Variants in GLDC observed in about 807,000 individuals in gnomAD.
The protein encoded by GLDC is glycine dehydrogenase (decarboxylating), mitochondrial.
GLDC carries 104 observed loss-of-function variants against 121.3 expected under a neutral mutation model. That is an observed-to-expected ratio of 0.86 (90% CI 0.73 to 1.01). The LOEUF is 1.01. Among genes scored for constraint, GLDC ranks in the 50% least tolerant of loss-of-function variants. The pLI is 0.00. For missense variants in GLDC, 1,429 were observed against 1,306.6 expected (o/e 1.09, Z -1.44); for synonymous variants, 546 against 480.6 (o/e 1.14, Z -1.78).
At chr9:6,545,329 C>G (rs1006547391) in intron 21 of GLDC, among the ~76,000 whole-genome samples, 1 of 152,174 alleles carries the variant, frequency 6.6e-6, no homozygotes, top group Non-Finnish European at 1.5e-5. Context: ...TCCTACTGTA[C>G]TGAATACTGT....
chr9:6,593,145 A>T, intron 9 of GLDC, 155 bp from the exon 10 acceptor site: 1 of 706,400 alleles, frequency 1.4e-6, no homozygotes, highest in Non-Finnish European at 2.5e-6. Context: ...AAACATGTTT[A>T]TTATCATGCT....
chr9:6,556,618 C>A (rs1416145353), intron 17 of GLDC, among the ~76,000 whole-genome samples: 1 of 151,978 alleles, frequency 6.6e-6, no homozygotes, highest in Non-Finnish European at 1.5e-5. Context: ...CATGGTGAAA[C>A]CCCGTCTCTA....
intron 2 of GLDC, among the ~76,000 whole-genome samples, chr9:6,632,550 G>A (rs557951097): frequency 1.1e-4 from 16 of 152,310 alleles, no homozygotes; most frequent in East Asian, 7.7e-4. Flanking sequence ...TCCGTACATC[G>A]TATAACTGAG....
At chr9:6,611,410 G>A (rs1352471651) in intron 3 of GLDC, among the ~76,000 whole-genome samples, 1 of 152,142 alleles carries the variant, frequency 6.6e-6, no homozygotes, top group Non-Finnish European at 1.5e-5. Context: ...CAAACAATTA[G>A]CCAGGCGTGG....
intron 2 of GLDC, among the ~76,000 whole-genome samples, chr9:6,629,957 A>ATTTTTTTTT (rs60203144): frequency 2.4e-5 from 2 of 83,092 alleles, no homozygotes; most frequent in African/African-American, 6.9e-5. Context: ...ATATATATAT[A>ATTTTTTTTT]TTTTTTTTTT....
At chr9:6,582,828 CAA>C (rs753266751) in intron 15 of GLDC, among the ~76,000 whole-genome samples, 31 of 92,384 alleles carry the variant, frequency 3.4e-4, no homozygotes, top group Admixed American at 4.9e-4. Flanking sequence ...GACCTCGTCT[CAA>C]AAAAAAAAAA....
intron 16 of GLDC, 68 bp downstream of exon 16, chr9:6,565,286 G>T: frequency 9.1e-7 from 1 of 1,095,410 alleles, no homozygotes; most frequent in Non-Finnish European, 1.4e-6. Context: ...GTGTCCCACA[G>T]AAGGGACCCT....
At chr9:6,639,670 T>TAAAAAA (rs1819589292) in intron 2 of GLDC, 2 of 112,570 alleles carry the variant, frequency 1.8e-5, no homozygotes, top group African/African-American at 6.6e-5. Flanking sequence ...AAAAAAAAAG[T>TAAAAAA]ATATATATAT....
At chr9:6,639,106 G>C (rs1819572411) in intron 2 of GLDC, 1 of 714,560 alleles carries the variant, frequency 1.4e-6, no homozygotes. Context: ...TCTGCCTATT[G>C]AGAATTAATG....
At chr9:6,540,382 C>T (rs1189229351) in intron 21 of GLDC, 2 of 502,988 alleles carry the variant, frequency 4.0e-6, no homozygotes, top group South Asian at 4.1e-5. Flanking sequence ...GCTCACTACA[C>T]ACCTGTGAAC....
At chr9:6,540,467 T>C (rs1817232457) in intron 21 of GLDC, 1 of 359,596 alleles carries the variant, frequency 2.8e-6, no homozygotes, top group Non-Finnish European at 5.3e-6. Flanking sequence ...AGATTATTTC[T>C]ATTCTGCGGA....
Position 6,588,601 on chromosome 9 carries a change from A to C in GLDC, c.1665+17T>G. On this transcript the variant is annotated intron_variant, in intron 13 of 24. Transcript: ENST00000321612. Reference sequence around the variant, plus strand: ...TGGGGTAGCTTGGAAATGAGAAAAAAGGCCACAAATAACTACCAGTGGAAT... The same window carrying C: ...TGGGGTAGCTTGGAAATGAGAAAAACGGCCACAAATAACTACCAGTGGAAT... 6.3e-7 allele frequency: 1 copy of C among 1,589,650 alleles called. No homozygotes were observed.
chr9:6,548,068 G>A (rs1817434947), intron 21 of GLDC, among the ~76,000 whole-genome samples: 1 of 152,164 alleles, frequency 6.6e-6, no homozygotes, highest in African/African-American at 2.4e-5. Flanking sequence ...GAGCCCAGGA[G>A]CTGAAGATTG....
At chr9:6,561,228 G>T (rs1023522391) in intron 16 of GLDC, among the ~76,000 whole-genome samples, 1 of 152,228 alleles carries the variant, frequency 6.6e-6, no homozygotes, top group Non-Finnish European at 1.5e-5. Context: ...AGGAGCGATG[G>T]AAAGAGAAGT....
intron 8 of GLDC, among the ~76,000 whole-genome samples, chr9:6,599,136 A>C (rs1818548806): frequency 6.6e-6 from 1 of 151,660 alleles, no homozygotes; most frequent in Non-Finnish European, 1.5e-5. Flanking sequence ...GTGAGCCGAC[A>C]TCACGCCATT....
chr9:6,634,240 C>A (rs1336598928), intron 2 of GLDC, among the ~76,000 whole-genome samples: 4 of 151,788 alleles, frequency 2.6e-5, no homozygotes, highest in African/African-American at 9.7e-5. Context: ...AAGAAAAAAA[C>A]AAACAAACCC....
chr9:6,551,955 C>T (rs910331015), intron 20 of GLDC, among the ~76,000 whole-genome samples: 2 of 152,318 alleles, frequency 1.3e-5, no homozygotes, highest in South Asian at 2.1e-4. Flanking sequence ...TCCAACCCTA[C>T]ATGTGCTCAG....
chr9:6,643,019 T>A (rs541221727), intron 2 of GLDC, among the ~76,000 whole-genome samples: 2 of 152,034 alleles, frequency 1.3e-5, no homozygotes, highest in Non-Finnish European at 2.9e-5. Context: ...CACATTAGCC[T>A]CCGGAGTAGC....
intron 2 of GLDC, among the ~76,000 whole-genome samples, chr9:6,636,818 T>G (rs1366080596): frequency 2.0e-5 from 3 of 152,024 alleles, no homozygotes; most frequent in Non-Finnish European, 4.4e-5. Flanking sequence ...GCACAGTGGC[T>G]CATGACTGTA....
Sources: allele counts gnomAD v4.1 joint callset (sites outside exome capture counted in the v4.1 genomes callset), GRCh38; gene constraint gnomAD v4.1.1; transcripts MANE v1.5; gene names NCBI Gene and HGNC (gene_info 2026-07-23, HGNC 2026-07-21).